The following UGGT1 variants were observed in gnomAD, a reference collection of about 807,000 sequenced individuals.
The protein encoded by UGGT1 is UDP-glucose glycoprotein glucosyltransferase 1.
Under a neutral mutation model 203.9 loss-of-function variants are expected in UGGT1, and 107 were observed. The observed-to-expected ratio is 0.52, with a 90% CI of 0.45 to 0.62. The LOEUF is 0.62. UGGT1 is among the 20% of genes least tolerant of loss of function. The pLI is 0.00. For synonymous variants in UGGT1, 628 were observed against 653.5 expected (o/e 0.96, Z 0.59); for missense variants, 1,673 against 1,867.2 (o/e 0.90, Z 1.92).
At chr2:128,141,810 C>CAA (rs780490123) in intron 16 of UGGT1, among the ~76,000 whole-genome samples, 12 of 105,918 alleles carry the variant, frequency 1.1e-4, no homozygotes, top group African/African-American at 2.1e-4. Context: ...AACTCCATCT[C>CAA]AAAAAAAAAA....
chr2:128,132,745 C>T (rs754751368), intron 13 of UGGT1, among the ~76,000 whole-genome samples: 1 of 152,082 alleles, frequency 6.6e-6, no homozygotes, highest in Admixed American at 6.5e-5. Flanking sequence ...GGGTCTTGCT[C>T]TGTTGTTCAG....
intron 6 of UGGT1, among the ~76,000 whole-genome samples, chr2:128,114,912 C>T (rs1048270021): frequency 1.3e-5 from 2 of 152,056 alleles, no homozygotes; most frequent in Non-Finnish European, 2.9e-5. Flanking sequence ...TTTTATTACT[C>T]TTGAGTTTTT....
At chr2:128,109,801 A>G (rs1017693130) in intron 5 of UGGT1, 55 bp downstream of exon 5, 7 of 1,443,292 alleles carry the variant, frequency 4.9e-6, no homozygotes, top group South Asian at 1.1e-5. Context: ...CTGCTTCTGC[A>G]TTTGGTCTAC....
intron 30 of UGGT1, among the ~76,000 whole-genome samples, 193 bp from the exon 31 acceptor site, chr2:128,174,580 C>A (rs1169799615): frequency 6.6e-6 from 1 of 152,140 alleles, no homozygotes; most frequent in Non-Finnish European, 1.5e-5. Context: ...GGATTACAGG[C>A]GTGAGCCACC....
intron 11 of UGGT1, among the ~76,000 whole-genome samples, chr2:128,124,173 C>G (rs910007809): frequency 4.6e-5 from 7 of 152,158 alleles, no homozygotes; most frequent in Admixed American, 6.6e-5. Flanking sequence ...GTCTCGATCT[C>G]CTGACCTCAT....
intron 26 of UGGT1, among the ~76,000 whole-genome samples, chr2:128,168,809 G>A (rs538141346): frequency 3.7e-4 from 57 of 152,204 alleles, no homozygotes; most frequent in African/African-American, 1.3e-3. Flanking sequence ...TGCTTTGGGA[G>A]GCCAAGGCAG....
intron 9 of UGGT1, 49 bp from the exon 10 acceptor site, chr2:128,121,150 T>C: frequency 6.4e-7 from 1 of 1,569,464 alleles, no homozygotes. Flanking sequence ...TTTCTGCTTC[T>C]CATTGCATTA....
chr2:128,142,775 G>T (rs1005193591), intron 16 of UGGT1, among the ~76,000 whole-genome samples: 1 of 151,394 alleles, frequency 6.6e-6, no homozygotes, highest in Non-Finnish European at 1.5e-5. Flanking sequence ...CTGAGGTCAG[G>T]GTTTCAAGAC....
At chr2:128,134,305 G>T (rs758377209) in intron 14 of UGGT1, among the ~76,000 whole-genome samples, 2 of 152,146 alleles carry the variant, frequency 1.3e-5, no homozygotes, top group Admixed American at 1.3e-4. Context: ...CAAAGTGCTG[G>T]GATTACAGGT....
intron 34 of UGGT1, 40 bp from the exon 35 acceptor site, chr2:128,179,746 A>G (rs375035255): frequency 3.2e-5 from 49 of 1,548,886 alleles, no homozygotes; most frequent in Non-Finnish European, 4.2e-5. Flanking sequence ...GTTAAATAAC[A>G]TTGGAAAGCT....
chr2:128,150,277 T>TA (rs1199231898), intron 18 of UGGT1, among the ~76,000 whole-genome samples: 13 of 151,812 alleles, frequency 8.6e-5, no homozygotes, highest in African/African-American at 3.1e-4. Context: ...CTCTACAAAA[T>TA]AAAAAAAATT....
chr2:128,117,989 TGTGTGAGAGAGAGA>T (rs1558764753), intron 8 of UGGT1, among the ~76,000 whole-genome samples: 2 of 86,174 alleles, frequency 2.3e-5, no homozygotes, highest in Non-Finnish European at 5.8e-5. Context: ...TGTGTGTGTG[TGTGTGAGAGAGAGA>T]GAGAGAGAGA....
At chr2:128,168,203 C>A (rs894638805) in intron 26 of UGGT1, among the ~76,000 whole-genome samples, 3 of 152,174 alleles carry the variant, frequency 2.0e-5, no homozygotes, top group Non-Finnish European at 4.4e-5. Flanking sequence ...TCCTGACTTG[C>A]TTCTCACAAA....
chr2:128,102,374 C>G (rs1320674851), intron 2 of UGGT1, among the ~76,000 whole-genome samples: 1 of 152,158 alleles, frequency 6.6e-6, no homozygotes, highest in African/African-American at 2.4e-5. Context: ...GAACTCCTGA[C>G]CTCAGGTGGT....
At chr2:128,135,257 C>A (rs1689079424) in intron 15 of UGGT1, among the ~76,000 whole-genome samples, 1 of 152,220 alleles carries the variant, frequency 6.6e-6, no homozygotes, top group South Asian at 2.1e-4. Flanking sequence ...GTCCACATCA[C>A]AAAACCTATT....
In UGGT1 at chr2:128,138,727, A is replaced by T; in HGVS notation, c.1594A>T (p.Ile532Phe). ...TCCCTTTCCCTCCAGAATTGGTTTT[A>T]TCTTTGTGGTTAATGACTCTGAAGA... is the stretch of plus-strand genomic sequence containing the variant. Reference protein sequence around the residue: ...SNHIPLRIGFIFVVNDSEDVD... With the variant: ...SNHIPLRIGFFFVVNDSEDVD... Residue 532 changes from isoleucine to phenylalanine, a missense_variant, in exon 16 of 41, where the codon ATC (isoleucine) becomes TTC (phenylalanine). Ile to Phe is a conservative substitution (Grantham distance 21, BLOSUM62 0). Transcript: ENST00000259253. The T allele has an allele frequency of 1.2e-6, 2 of 1,612,202 alleles. No homozygotes were observed. The highest frequency in any genetic ancestry group is 1.7e-6 in the Non-Finnish European group (2 of 1,179,494).
intron 3 of UGGT1, 108 bp downstream of exon 3, chr2:128,104,122 G>T (rs1573497626): frequency 1.4e-5 from 11 of 780,252 alleles, no homozygotes; most frequent in Non-Finnish European, 1.8e-5. Flanking sequence ...AAACATTGTT[G>T]TCTTTAATGA....
intron 11 of UGGT1, among the ~76,000 whole-genome samples, chr2:128,124,196 T>G (rs1448279151): frequency 6.6e-6 from 1 of 152,214 alleles, no homozygotes; most frequent in African/African-American, 2.4e-5. Flanking sequence ...TCCACCCGCC[T>G]CGGCCTCCCA....
chr2:128,170,342 CGTT>C lies in UGGT1; in HGVS notation c.2978_2980del (p.Val993del). 6.2e-7 allele frequency: 1 copy of C among 1,614,158 alleles called. No individual in the cohort carries two copies. The highest frequency in any genetic ancestry group is 8.5e-7 in the Non-Finnish European group (1 of 1,180,016). ...AGACATACTTTGATGTTGTGGCTGT[CGTT>C]GACCCTGTCACCAGAGAAGCACAGA... On this transcript the variant is annotated inframe_deletion, in exon 27 of 41. Transcript: ENST00000259253.
Sources: gnomAD v4.1 joint callset for allele counts (sites outside exome capture counted in the v4.1 genomes callset) on GRCh38, gnomAD v4.1.1 for gene constraint, MANE v1.5 for transcripts, NCBI Gene and HGNC (gene_info 2026-07-23, HGNC 2026-07-21) for gene names.